Variants in SNRPD1 observed in about 807,000 individuals in gnomAD.
The protein encoded by SNRPD1 is small nuclear ribonucleoprotein D1 polypeptide.
SNRPD1 carries 1 observed loss-of-function variant against 14.4 expected under a neutral mutation model. The observed-to-expected ratio is 0.07, with a 90% confidence interval of 0.02 to 0.33. The LOEUF (loss-of-function observed/expected upper bound fraction) is 0.33. Among genes scored for constraint, SNRPD1 ranks in the 10% least tolerant of loss-of-function variants. SNRPD1 has a pLI of 1.00. For missense variants in SNRPD1, 52 were observed against 146.4 expected (o/e 0.36, Z 3.33); for synonymous variants, 42 against 50.3 (o/e 0.83, Z 0.70).
At position 21,629,258 on chromosome 18, in the gene SNRPD1, A is replaced by G; in HGVS notation, c.*120A>G. The G allele has an allele frequency of 1.4e-6, 1 of 738,014 alleles. No individual in the cohort carries two copies. Among genetic ancestry groups the G allele is most frequent in the Non-Finnish European group, 2.4e-6 (1 of 423,020 alleles). 45.7% of individuals were successfully genotyped at this position (738,014 alleles called of 1,614,324 possible). A position where few individuals can be genotyped will look rare whatever the true frequency, so the allele number is the denominator to read the frequency against. On this transcript the variant is annotated 3_prime_UTR_variant, in exon 4 of 4. Coordinates refer to ENST00000300413, the MANE Select transcript of SNRPD1 (RefSeq NM_006938.4). Reference sequence around the variant, plus strand: ...ACAGAGCTGTCTATTTAGTATATCAAAGTTTTAGTAGTTTCCTCCACATTC... The same window carrying G: ...ACAGAGCTGTCTATTTAGTATATCAGAGTTTTAGTAGTTTCCTCCACATTC...
At chr18:21,618,425 C>T (rs1170906964) in intron 1 of SNRPD1, among the ~76,000 whole-genome samples, 1 of 150,660 alleles carries the variant, frequency 6.6e-6, no homozygotes, top group East Asian at 1.9e-4. Context: ...TGTATCTGAG[C>T]CACCGCGCCT....
At chr18:21,617,589 A>T (rs1235008488) in intron 1 of SNRPD1, among the ~76,000 whole-genome samples, 3 of 152,150 alleles carry the variant, frequency 2.0e-5, no homozygotes, top group Admixed American at 6.6e-5. Context: ...CTGGTACTCC[A>T]CTTCATTGAT....
chr18:21,621,941 G>A (rs1201194919), intron 1 of SNRPD1, among the ~76,000 whole-genome samples: 1 of 152,132 alleles, frequency 6.6e-6, no homozygotes, highest in Non-Finnish European at 1.5e-5. Context: ...ACTGCTAAAC[G>A]AGGACTACAA....
At position 21,621,964 on chromosome 18, in the gene SNRPD1, A is replaced by T. The variant is rs943279614; in HGVS notation, c.15-761A>T. On this transcript the variant is annotated intron_variant, in intron 1 of 3. Coordinates refer to ENST00000300413, the MANE Select transcript of SNRPD1 (RefSeq NM_006938.4). The stretch of plus-strand genomic sequence containing the variant: ...ACGAGGACTACAAGTTATAGACGTG[A>T]ATAAAATATGACCCAATTTATGTCA... Among the ~76,000 whole-genome samples, 5 of 152,232 alleles carry T rather than the reference A, an allele frequency of 3.3e-5. No individual in the cohort carries two copies. In the East Asian group the frequency reaches 9.6e-4, roughly 29 times the overall value.
intron 1 of SNRPD1, among the ~76,000 whole-genome samples, chr18:21,615,990 ATTTG>A (rs1443134829): frequency 6.6e-6 from 1 of 151,712 alleles, no homozygotes; most frequent in Non-Finnish European, 1.5e-5. Context: ...TTTTTTGCTT[ATTTG>A]TTTGTTTTTG....
Position 21,612,318 on chromosome 18 carries a change from A to T in SNRPD1, c.-112A>T, listed in dbSNP as rs1176313861. On this transcript the variant is annotated 5_prime_UTR_variant, in exon 1 of 4. Transcript: ENST00000300413. ...GCCTGCAGTGCTCCGCGCGCTCTTGACGTCCGGAGCCCCTGGAGTAGGCGC... is the reference window on the plus strand; with the variant it reads ...GCCTGCAGTGCTCCGCGCGCTCTTGTCGTCCGGAGCCCCTGGAGTAGGCGC... The T allele has an allele frequency of 4.3e-6, 3 of 699,892 alleles. No individual in the cohort carries two copies. Among genetic ancestry groups the T allele is most frequent in the East Asian group, 6.0e-5 (2 of 33,274 alleles). 43.4% of individuals were successfully genotyped at this position (699,892 alleles called of 1,614,324 possible). A position where few individuals can be genotyped will look rare whatever the true frequency, so the allele number is the denominator to read the frequency against.
intron 3 of SNRPD1, among the ~76,000 whole-genome samples, chr18:21,625,851 C>T (rs757147925): frequency 2.9e-4 from 44 of 152,038 alleles, no homozygotes; most frequent in Non-Finnish European, 5.6e-4. Flanking sequence ...CCTCATGATC[C>T]GCCTGCCTGG....
intron 1 of SNRPD1, among the ~76,000 whole-genome samples, chr18:21,620,058 G>A (rs186258230): frequency 8.1e-4 from 123 of 152,042 alleles, no homozygotes; most frequent in African/African-American, 2.9e-3. Context: ...AGGTTCAAGC[G>A]ATTCTGCTGC....
chr18:21,615,707 C>T (rs1346924477), intron 1 of SNRPD1, among the ~76,000 whole-genome samples: 1 of 152,138 alleles, frequency 6.6e-6, no homozygotes, highest in African/African-American at 2.4e-5. Flanking sequence ...TTTACAACTA[C>T]GTTGAATATT....
intron 3 of SNRPD1, among the ~76,000 whole-genome samples, chr18:21,625,505 G>A (rs971280203): frequency 5.3e-5 from 8 of 151,616 alleles, no homozygotes; most frequent in Non-Finnish European, 8.8e-5. Context: ...TAGTAGAGGT[G>A]GGGTTTCATC....
intron 3 of SNRPD1, among the ~76,000 whole-genome samples, chr18:21,625,316 A>AATTTTTTTTTTTTTT (rs771340999): frequency 9.2e-6 from 1 of 109,102 alleles, no homozygotes; most frequent in Non-Finnish European, 1.6e-5. Context: ...GTTGAAAAAA[A>AATTTTTTTTTTTTTT]TTTTTTTTTT....
chr18:21,620,213 C>G (rs1332238029), intron 1 of SNRPD1, among the ~76,000 whole-genome samples: 1 of 152,158 alleles, frequency 6.6e-6, no homozygotes, highest in Admixed American at 6.6e-5. Flanking sequence ...CTTGGCCTCC[C>G]AAAGTGCTGG....
chr18:21,627,129 C>T (rs867340928), intron 3 of SNRPD1, among the ~76,000 whole-genome samples: 2 of 151,352 alleles, frequency 1.3e-5, no homozygotes, highest in Admixed American at 6.6e-5. Context: ...AGTAGCTGGG[C>T]GTGGTGGTGG....
chr18:21,623,596 G>T (rs560735384), intron 2 of SNRPD1, 152 bp from the exon 3 acceptor site: 1 of 616,528 alleles, frequency 1.6e-6, no homozygotes, highest in African/African-American at 1.9e-5. Context: ...CCATTTACCA[G>T]TTGCACATGT....
chr18:21,612,330 C>T lies in SNRPD1; in HGVS notation c.-100C>T. ...CCGCGCGCTCTTGACGTCCGGAGCCCCTGGAGTAGGCGCTTCCGGCCATTC... is the reference window on the plus strand; with the variant it reads ...CCGCGCGCTCTTGACGTCCGGAGCCTCTGGAGTAGGCGCTTCCGGCCATTC... On this transcript the variant is annotated 5_prime_UTR_variant, in exon 1 of 4. Coordinates refer to ENST00000300413, the MANE Select transcript of SNRPD1 (RefSeq NM_006938.4). 1.1e-6 allele frequency: 1 copy of T among 875,706 alleles called. No homozygotes were observed. Among genetic ancestry groups the T allele is most frequent in the Non-Finnish European group, 1.7e-6 (1 of 588,698 alleles). 54.2% of individuals were successfully genotyped at this position (875,706 alleles called of 1,614,324 possible).
At chr18:21,613,819 C>T (rs143093686) in intron 1 of SNRPD1, among the ~76,000 whole-genome samples, 63 of 134,228 alleles carry the variant, frequency 4.7e-4, no homozygotes, top group East Asian at 2.0e-3. Context: ...CGTGGCACTA[C>T]GCTCCAGCCT....
At position 21,625,316 on chromosome 18, in the gene SNRPD1, A is replaced by ATTTTTTTTTTTTTTTTT. The variant is rs144395165; in HGVS notation, c.283+1378_283+1394dup. Among the ~76,000 whole-genome samples, 40 of 109,084 alleles carry ATTTTTTTTTTTTTTTTT rather than the reference A, an allele frequency of 3.7e-4. 2 individuals are homozygous for ATTTTTTTTTTTTTTTTT. The highest frequency in any genetic ancestry group is 1.3e-3 in the African/African-American group (26 of 20,074). 71.6% of individuals were successfully genotyped at this position (109,084 alleles called of 152,430 possible). A position where few individuals can be genotyped will look rare whatever the true frequency, so the allele number is the denominator to read the frequency against. The stretch of plus-strand genomic sequence containing the variant: ...TCTATTTAAAATTTTGTTGAAAAAA[A>ATTTTTTTTTTTTTTTTT]TTTTTTTTTTTTTTTTTGAGATGGA... On this transcript the variant is annotated intron_variant, in intron 3 of 3. Coordinates refer to ENST00000300413, the MANE Select transcript of SNRPD1 (RefSeq NM_006938.4).
chr18:21,617,471 T>C (rs1598491125), intron 1 of SNRPD1, among the ~76,000 whole-genome samples: 1 of 152,200 alleles, frequency 6.6e-6, no homozygotes, highest in Admixed American at 6.5e-5. Context: ...TATGTACTGC[T>C]CTAGTCACAT....
chr18:21,621,158 ACT>A (rs2038994813), intron 1 of SNRPD1, among the ~76,000 whole-genome samples: 1 of 148,206 alleles, frequency 6.7e-6, no homozygotes, highest in South Asian at 2.1e-4. Context: ...ACAGAGCGAG[ACT>A]CTGTGTCAAA....
Sources: gnomAD v4.1 joint callset for allele counts (sites outside exome capture counted in the v4.1 genomes callset) on GRCh38, gnomAD v4.1.1 for gene constraint, MANE v1.5 for transcripts, NCBI Gene and HGNC (gene_info 2026-07-23, HGNC 2026-07-21) for gene names.